GALNT15: variants seen among roughly 807,000 people sequenced by gnomAD.
GALNT15 encodes UDP-GalNAc transferase T15.
A neutral mutation model predicts 66.8 loss-of-function variants in GALNT15; 67 were observed. The observed-to-expected ratio is 1.00, with a 90% CI of 0.82 to 1.23. The LOEUF is 1.23. GALNT15 is among the 50% of genes most tolerant of loss of function. The pLI is 0.00. For missense variants in GALNT15, 827 were observed against 804.3 expected (o/e 1.03, Z -0.34); for synonymous variants, 313 against 311.5 (o/e 1.00, Z -0.05).
Position 16,212,766 on chromosome 3 carries a change from A to G in GALNT15, c.1392+3A>G. 1.2e-6 allele frequency: 2 copies of G among 1,611,658 alleles called. No homozygotes were observed. Among genetic ancestry groups the G allele is most frequent in the Non-Finnish European group, 1.7e-6 (2 of 1,179,122 alleles). On this transcript the variant is annotated splice_donor_region_variant and intron_variant, in intron 6 of 9. Coordinates refer to ENST00000339732, the MANE Select transcript of GALNT15 (RefSeq NM_054110.5). ...CAGAGGCCTTCTCCTTGAGCAAGGT[A>G]AGGAGAGAGCCAAGTGGGGCTTCTG... is the stretch of plus-strand genomic sequence containing the variant.
rs1176312504 is a variant in GALNT15 at position 16,210,592 on chromosome 3, G to A, written c.1080-532G>A. The stretch of plus-strand genomic sequence containing the variant: ...TTATTAAAGGTTTCTAGCTTCTTGT[G>A]TTTATAAATCATGTATTTTTCCCCT... On this transcript the variant is annotated intron_variant, in intron 4 of 9. Coordinates refer to ENST00000339732, the MANE Select transcript of GALNT15 (RefSeq NM_054110.5). Among the ~76,000 whole-genome samples, 3 of 152,124 alleles carry A rather than the reference G, an allele frequency of 2.0e-5. No individual in the cohort carries two copies. In the East Asian group the frequency reaches 5.8e-4, roughly 29 times the overall value.
At position 16,181,724 on chromosome 3, in the gene GALNT15, G is replaced by A. The variant is rs1046663488; in HGVS notation, c.539+6034G>A. Among the ~76,000 whole-genome samples, 2 of 152,144 alleles carry A rather than the reference G, an allele frequency of 1.3e-5. No individual in the cohort carries two copies. The highest frequency in any genetic ancestry group is 2.4e-5 in the African/African-American group (1 of 41,412). On this transcript the variant is annotated intron_variant, in intron 1 of 9. Coordinates refer to ENST00000339732, the MANE Select transcript of GALNT15 (RefSeq NM_054110.5). This position sits in a 1 kb window ranked among gnomAD's most constrained non-coding sequence, Gnocchi z 5.9. ...CCTTCGGGATGAGGGACAAGAACAGGAACAAGCTGGGCTTGAGACCTGGGG... is the reference window on the plus strand; with the variant it reads ...CCTTCGGGATGAGGGACAAGAACAGAAACAAGCTGGGCTTGAGACCTGGGG...
intron 6 of GALNT15, among the ~76,000 whole-genome samples, chr3:16,214,501 C>A (rs373819572): frequency 2.6e-5 from 4 of 152,178 alleles, no homozygotes; most frequent in African/African-American, 7.2e-5. Flanking sequence ...ACTGAGTAAG[C>A]CCTGCTTGTG....
the GALNT15 span, among the ~76,000 whole-genome samples, chr3:16,240,919 C>T: frequency 2.0e-5 from 3 of 152,196 alleles, no homozygotes; most frequent in African/African-American, 7.2e-5. Flanking sequence ...CTCTGAACAC[C>T]AAAGTTTTTG....
chr3:16,241,471 C>T, the GALNT15 span, among the ~76,000 whole-genome samples: 8 of 152,212 alleles, frequency 5.3e-5, no homozygotes, highest in Non-Finnish European at 1.0e-4. The surrounding 1 kb of genome is among the most constrained non-coding windows in gnomAD (Gnocchi z 4.6). Context: ...ATTCCAGACT[C>T]CCACTGCACT....
rs1240504744 is a variant in GALNT15 at position 16,176,144 on chromosome 3, A to G, written c.539+454A>G. Reference sequence around the variant, plus strand: ...ACATTTTGATTTTAGGGTTATTGTTAGTGTTTGCTTTTAGTTTGGATCAAA... The same window carrying G: ...ACATTTTGATTTTAGGGTTATTGTTGGTGTTTGCTTTTAGTTTGGATCAAA... On this transcript the variant is annotated intron_variant, in intron 1 of 9. Transcript: ENST00000339732. The surrounding 1 kb of genome is among the most constrained non-coding windows in gnomAD (Gnocchi z 5.6). Among the ~76,000 whole-genome samples, 1 of 152,186 alleles carries G rather than the reference A, an allele frequency of 6.6e-6. No individual in the cohort carries two copies. Among genetic ancestry groups the G allele is most frequent in the African/African-American group, 2.4e-5 (1 of 41,446 alleles).
At chr3:16,230,661 G>A (rs1265498858), downstream of GALNT15, among the ~76,000 whole-genome samples, 1 of 152,046 alleles carries the variant, frequency 6.6e-6, no homozygotes, top group South Asian at 2.1e-4. This position sits in a 1 kb window ranked among gnomAD's most constrained non-coding sequence, Gnocchi z 4.5. Context: ...ATTGATACAG[G>A]CTGCCTTGCT....
In GALNT15 at chr3:16,195,944, C is replaced by A; in HGVS notation, c.706+18C>A. 1 of 1,613,312 alleles carries A rather than the reference C, an allele frequency of 6.2e-7. No individual in the cohort carries two copies. Among genetic ancestry groups the A allele is most frequent in the Non-Finnish European group, 8.5e-7 (1 of 1,179,506 alleles). ...CCAGCAAGGTAGCCACGGCTTTCCTCCAGGCTCGTCTGGGTGAGCCTTACC... is the reference window on the plus strand; with the variant it reads ...CCAGCAAGGTAGCCACGGCTTTCCTACAGGCTCGTCTGGGTGAGCCTTACC... On this transcript the variant is annotated intron_variant, in intron 2 of 9. Coordinates refer to ENST00000339732, the MANE Select transcript of GALNT15 (RefSeq NM_054110.5). The surrounding 1 kb of genome is among the most constrained non-coding windows in gnomAD (Gnocchi z 4.6).
At chr3:16,212,536 T>C (rs369561893) in intron 5 of GALNT15, 33 bp from the exon 6 acceptor site, 11 of 1,592,722 alleles carry the variant, frequency 6.9e-6, no homozygotes, top group African/African-American at 1.3e-5. Flanking sequence ...AAAGGTGGAA[T>C]GCTGAGGTGT....
intron 8 of GALNT15, among the ~76,000 whole-genome samples, chr3:16,221,528 A>G (rs1412796298): frequency 1.3e-5 from 2 of 152,146 alleles, no homozygotes; most frequent in Non-Finnish European, 2.9e-5. Context: ...CCGGGAATCT[A>G]CAGCTGTTGG....
chr3:16,225,524 G>A lies in GALNT15; in HGVS notation c.1774-1830G>A, dbSNP rs769381963. Among the ~76,000 whole-genome samples, 157 of 150,640 alleles carry A rather than the reference G, an allele frequency of 1.0e-3. 1 individual carries two copies. Among genetic ancestry groups the A allele is most frequent in the Non-Finnish European group, 1.7e-3 (117 of 67,658 alleles). ...AGCCTGGCCAATATGGTGAAACCCC[G>A]TTTCTACTAAAAACACAAAAACTAG... is the stretch of plus-strand genomic sequence containing the variant. On this transcript the variant is annotated intron_variant, in intron 9 of 9. Transcript: ENST00000339732. This position sits in a 1 kb window ranked among gnomAD's most constrained non-coding sequence, Gnocchi z 4.4.
At chr3:16,201,326 C>A (rs558723987) in intron 3 of GALNT15, among the ~76,000 whole-genome samples, 14 of 151,932 alleles carry the variant, frequency 9.2e-5, no homozygotes, top group Admixed American at 5.2e-4. Context: ...GGACTACAGG[C>A]GCCCGCCACC....
chr3:16,245,929 T>C, the GALNT15 span, among the ~76,000 whole-genome samples: 1 of 152,184 alleles, frequency 6.6e-6, no homozygotes, highest in Non-Finnish European at 1.5e-5. Context: ...ATATGGTATA[T>C]GGGTAATAGA....
rs2124898595 is a variant in GALNT15, at chr3:16,219,704, T to G, written c.1524+170T>G. On this transcript the variant is annotated intron_variant, in intron 7 of 9. Coordinates refer to ENST00000339732, the MANE Select transcript of GALNT15 (RefSeq NM_054110.5). The surrounding 1 kb of genome is among the most constrained non-coding windows in gnomAD (Gnocchi z 4.3). ...CCAGTCTGAGGAAGGTGGCTGAGTT[T>G]TGCCCCATTACCCACCCCAAAGCAC... 6.6e-6 allele frequency among the ~76,000 whole-genome samples: 1 copy of G among 152,352 alleles called. No homozygotes were observed. Among genetic ancestry groups the G allele is most frequent in the Admixed American group, 6.5e-5 (1 of 15,304 alleles).
chr3:16,175,431 C>G lies in GALNT15; in HGVS notation c.280C>G (p.Gln94Glu), dbSNP rs763752313. ...ACCCTTTATCTCACTGCGGGAGGAT[C>G]AGCTGCTGGTGGCCGTGGCCTTACC... Reference protein sequence around the residue: ...LPPFISLREDQLLVAVALPQA... With the variant: ...LPPFISLREDELLVAVALPQA... The change falls in exon 1 of 10, where the codon CAG (glutamine) becomes GAG (glutamate). Residue 94 changes from glutamine to glutamate, a missense_variant. Gln to Glu is a conservative substitution (Grantham distance 29). Coordinates refer to ENST00000339732, the MANE Select transcript of GALNT15 (RefSeq NM_054110.5). The surrounding 1 kb of genome is among the most constrained non-coding windows in gnomAD (Gnocchi z 5.6). 18 of 1,614,186 alleles carry G rather than the reference C, an allele frequency of 1.1e-5. No homozygotes were observed. The highest frequency in any genetic ancestry group is 1.4e-5 in the Non-Finnish European group (17 of 1,180,028).
intron 3 of GALNT15, among the ~76,000 whole-genome samples, chr3:16,201,463 G>A (rs2063702759): frequency 6.6e-6 from 1 of 152,146 alleles, no homozygotes. Context: ...TTACAGGCGT[G>A]AGCCACCGCG....
chr3:16,220,109 ATCT>A, intron 8 of GALNT15, 95 bp downstream of exon 8: 1 of 952,050 alleles, frequency 1.1e-6, no homozygotes, highest in Non-Finnish European at 1.7e-6. Flanking sequence ...CCTTTGAGGT[ATCT>A]TCTTTCTGTG....
rs1470056988 is a variant in GALNT15 at position 16,219,324 on chromosome 3, C to T, written c.1393-79C>T. 6.4e-7 allele frequency: 1 copy of T among 1,568,074 alleles called. No individual in the cohort carries two copies. Among genetic ancestry groups the T allele is most frequent in the South Asian group, 1.2e-5 (1 of 82,938 alleles). ...CTGTCCTGATCCTTTAGCTTCTTCC[C>T]AGCCACTCCATCCCCAACCATGTGA... On this transcript the variant is annotated intron_variant, in intron 6 of 9. Coordinates refer to ENST00000339732, the MANE Select transcript of GALNT15 (RefSeq NM_054110.5). The surrounding 1 kb of genome is among the most constrained non-coding windows in gnomAD (Gnocchi z 4.3).
Position 16,186,924 on chromosome 3 carries a change from G to C in GALNT15, c.540-8836G>C, listed in dbSNP as rs905842141. ...TGGAATTGTACACTTTATAAAGGTG[G>C]ACATTATGGTATGTGAATTATATCT... On this transcript the variant is annotated intron_variant, in intron 1 of 9. Transcript: ENST00000339732. The surrounding 1 kb of genome is among the most constrained non-coding windows in gnomAD (Gnocchi z 5.1). Among the ~76,000 whole-genome samples, 1 of 152,058 alleles carries C rather than the reference G, an allele frequency of 6.6e-6. No homozygotes were observed. The highest frequency in any genetic ancestry group is 2.4e-5 in the African/African-American group (1 of 41,398).
Sources: allele counts gnomAD v4.1 joint callset (sites outside exome capture counted in the v4.1 genomes callset), GRCh38; gene constraint gnomAD v4.1.1; non-coding constraint Gnocchi (gnomAD v3.1); transcripts MANE v1.5; gene names NCBI Gene and HGNC (gene_info 2026-07-23, HGNC 2026-07-21).